The following NCOR1 variants were observed in gnomAD, a reference collection of about 807,000 sequenced individuals.
The protein encoded by NCOR1 is protein phosphatase 1, regulatory subunit 109.
A neutral mutation model predicts 288.1 loss-of-function variants in NCOR1; 63 were observed. That is an observed-to-expected ratio of 0.22 (90% confidence interval 0.18 to 0.27). The LOEUF (loss-of-function observed/expected upper bound fraction) is 0.27. Ranked by LOEUF, NCOR1 falls within the 10% of genes least tolerant of loss-of-function variation. The pLI is 1.00. For synonymous variants in NCOR1, 1,007 were observed against 1,065.9 expected, an observed-to-expected ratio of 0.94 and a Z score of 1.08; for missense variants, 2,397 against 3,019.2, an observed-to-expected ratio of 0.79 and a Z score of 4.83.
intron 3 of NCOR1, among the ~76,000 whole-genome samples, chr17:16,173,434 A>T (rs1334601893): frequency 6.6e-6 from 1 of 152,194 alleles, no homozygotes; most frequent in East Asian, 1.9e-4. Context: ...AAGAAATAAA[A>T]GGTATCCAAA....
At chr17:16,185,778 C>T (rs2086557958) in intron 3 of NCOR1, among the ~76,000 whole-genome samples, 1 of 147,892 alleles carries the variant, frequency 6.8e-6, no homozygotes, top group Non-Finnish European at 1.5e-5. Context: ...CTAGCCTGGG[C>T]AACATGGCGA....
In NCOR1 at chr17:16,061,816, A is replaced by G; in HGVS notation, c.5466T>C (p.Ala1822=). The change falls in exon 37 of 46, where the codon GCT becomes GCC. Residue 1822 remains alanine (A), a synonymous_variant. Transcript: ENST00000268712. ...CAGAAGCTGCAGCATCCACAAGAGC[A>G]GCCAGGGCATCCGCAGCAGTGTTGT... is the stretch of plus-strand genomic sequence containing the variant. ...SRYNTAADAL[A]ALVDAAASAP... The G allele has an allele frequency of 6.2e-7, 1 of 1,614,222 alleles. No homozygotes were observed. Among genetic ancestry groups the G allele is most frequent in the Non-Finnish European group, 8.5e-7 (1 of 1,180,034 alleles).
chr17:16,055,455 A>G (rs543507812), intron 40 of NCOR1, among the ~76,000 whole-genome samples: 3 of 152,234 alleles, frequency 2.0e-5, no homozygotes, highest in Non-Finnish European at 4.4e-5. Flanking sequence ...GTTCTCACTT[A>G]TAAGCGGGAG....
Position 16,127,255 on chromosome 17 carries a change from G to A in NCOR1, c.1510-1049C>T, listed in dbSNP as rs56137799. Among the ~76,000 whole-genome samples the A allele has an allele frequency of 2.2e-3, 259 of 115,416 alleles. 50 individuals are homozygous for A. Among genetic ancestry groups the A allele is most frequent in the South Asian group, 0.012 (46 of 3,976 alleles). The allele number at this position is 115,416 out of a possible 152,430, so 75.7% of individuals were successfully genotyped here. A position where few individuals can be genotyped will look rare whatever the true frequency, so the allele number is the denominator to read the frequency against. On this transcript the variant is annotated intron_variant, in intron 14 of 45. Transcript: ENST00000268712. ...TGTATGCATATATGTATGTATATAT[G>A]TGTGTGTATATATGTATGTATATAT...
At position 16,068,067 on chromosome 17, in the gene NCOR1, G is replaced by A; in HGVS notation, c.4568C>T (p.Pro1523Leu). The A allele has an allele frequency of 6.2e-7, 1 of 1,614,144 alleles. No individual in the cohort carries two copies. Among genetic ancestry groups the A allele is most frequent in the African/African-American group, 1.3e-5 (1 of 75,030 alleles). Reference protein sequence around the residue: ...TNHERKSTLTPTQRESIPAKS... With the variant: ...TNHERKSTLTLTQRESIPAKS... ...CGCTGGGATACTTTCCCTCTGGGTA[G>A]GGGTCAGTGTCGATTTCCTTTCATG... The change falls in exon 32 of 46, where the codon CCT becomes CTT. Residue 1523 changes from proline (P) to leucine (L), a missense_variant. Pro to Leu is a moderately conservative substitution (Grantham distance 98, BLOSUM62 -3). This residue lies in a region of NCOR1 where 1,872 missense variants were observed against 2,187.8 expected (regional missense o/e 0.86). Coordinates refer to ENST00000268712, the MANE Select transcript of NCOR1 (RefSeq NM_006311.4).
intron 23 of NCOR1, among the ~76,000 whole-genome samples, chr17:16,082,224 G>A (rs1230722695): frequency 6.6e-6 from 1 of 151,898 alleles, no homozygotes; most frequent in Non-Finnish European, 1.5e-5. Flanking sequence ...GGGGATCCAA[G>A]TTCCAGAGTT....
chr17:16,170,601 G>A (rs568317255), intron 4 of NCOR1, among the ~76,000 whole-genome samples: 7 of 152,134 alleles, frequency 4.6e-5, no homozygotes, highest in East Asian at 1.9e-4. Flanking sequence ...TTGGGAGGCC[G>A]AGGTGGGCAG....
chr17:16,100,634 G>A (rs73280233), intron 20 of NCOR1, among the ~76,000 whole-genome samples: 4,746 of 152,080 alleles, frequency 0.031, 250 homozygotes, highest in African/African-American at 0.11. Flanking sequence ...ACGAGACTCC[G>A]TCTCAAAAAA....
intron 4 of NCOR1, among the ~76,000 whole-genome samples, chr17:16,166,132 G>C (rs77387251): frequency 6.6e-6 from 1 of 152,108 alleles, no homozygotes; most frequent in Non-Finnish European, 1.5e-5. Flanking sequence ...AATAGTATGC[G>C]CTGAATCTAA....
rs1971758751 is a variant in NCOR1, at chr17:16,029,409, G to C, written c.*2887C>G. On this transcript the variant is annotated 3_prime_UTR_variant, in exon 46 of 46. Coordinates refer to ENST00000268712, the MANE Select transcript of NCOR1 (RefSeq NM_006311.4). The stretch of plus-strand genomic sequence containing the variant: ...CATTAAAATTTTTTAACTGTCCAAT[G>C]GTCACTGGAGTTTTCTGGGCATAAA... The C allele has an allele frequency of 3.3e-6, 1 of 306,420 alleles. No individual in the cohort carries two copies. 19.0% of individuals were successfully genotyped at this position (306,420 alleles called of 1,614,324 possible).
chr17:16,146,537 G>T lies in NCOR1; in HGVS notation c.921C>A (p.Ile307=). The change falls in exon 10 of 46, where the codon ATC becomes ATA. Residue 307 remains isoleucine (I), a synonymous_variant. Coordinates refer to ENST00000268712, the MANE Select transcript of NCOR1 (RefSeq NM_006311.4). The part of the protein sequence containing the change: ...NHARKQREQK[I]CQRYDQLMEA... ...CCATGAGCTGATCATAACGCTGGCAGATTTTTTGTTCCTATTAAATATCCG... is the reference window on the plus strand; with the variant it reads ...CCATGAGCTGATCATAACGCTGGCATATTTTTTGTTCCTATTAAATATCCG... 1.3e-6 allele frequency: 2 copies of T among 1,580,450 alleles called. No homozygotes were observed. The highest frequency in any genetic ancestry group is 1.2e-5 in the South Asian group (1 of 83,450).
chr17:16,112,679 C>T (rs2070546587), intron 18 of NCOR1, among the ~76,000 whole-genome samples: 1 of 151,966 alleles, frequency 6.6e-6, no homozygotes, highest in Admixed American at 6.5e-5. Context: ...TTAGTAGAGA[C>T]AGGGTTTCAC....
chr17:16,166,316 T>C (rs1284162085), intron 4 of NCOR1, among the ~76,000 whole-genome samples: 2 of 152,220 alleles, frequency 1.3e-5, no homozygotes, highest in Admixed American at 1.3e-4. Flanking sequence ...CTAGAGTTTA[T>C]GATTCCTCTC....
At chr17:16,149,947 C>T (rs886482879) in intron 8 of NCOR1, among the ~76,000 whole-genome samples, 1 of 152,136 alleles carries the variant, frequency 6.6e-6, no homozygotes, top group Non-Finnish European at 1.5e-5. Context: ...TGTATACCAA[C>T]ATATGTAGAG....
intron 3 of NCOR1, among the ~76,000 whole-genome samples, chr17:16,175,895 A>G (rs2153479523): frequency 6.6e-6 from 1 of 151,780 alleles, no homozygotes; most frequent in South Asian, 2.1e-4. Context: ...CATGGCATCC[A>G]TTCTTTGTTT....
At chr17:16,066,825 C>A (rs1392607878) in intron 32 of NCOR1, among the ~76,000 whole-genome samples, 1 of 152,080 alleles carries the variant, frequency 6.6e-6, no homozygotes, top group Non-Finnish European at 1.5e-5. Context: ...TGTAAATAAC[C>A]CTTAGAATTC....
At chr17:16,108,540 T>C (rs1000529708) in intron 19 of NCOR1, among the ~76,000 whole-genome samples, 1 of 152,214 alleles carries the variant, frequency 6.6e-6, no homozygotes, top group Admixed American at 6.5e-5. Context: ...AGGTATTTTA[T>C]TGATGTTGGC....
At chr17:16,138,924 C>G (rs772892164) in intron 12 of NCOR1, 84 bp downstream of exon 12, 84 of 1,066,172 alleles carry the variant, frequency 7.9e-5, no homozygotes, top group Non-Finnish European at 1.1e-4. Context: ...TTTGTGAAAA[C>G]AGTTCAATTT....
At chr17:16,035,283 T>G (rs114384924) in intron 44 of NCOR1, among the ~76,000 whole-genome samples, 7 of 152,348 alleles carry the variant, frequency 4.6e-5, no homozygotes, top group East Asian at 1.9e-4. Flanking sequence ...TTAGCCACAG[T>G]AGAACTTTCA....
Sources: allele counts gnomAD v4.1 joint callset (sites outside exome capture counted in the v4.1 genomes callset), GRCh38; gene constraint gnomAD v4.1.1; regional missense constraint gnomAD v4.1.1; transcripts MANE v1.5; gene names NCBI Gene and HGNC (gene_info 2026-07-23, HGNC 2026-07-21).